TENM1: variants seen among roughly 807,000 people sequenced by gnomAD.
TENM1 encodes the protein teneurin transmembrane protein 1.
Under a neutral mutation model 174.8 loss-of-function variants are expected in TENM1, and 35 were observed. The ratio of observed to expected loss-of-function variants is 0.20; its 90% CI spans 0.15 to 0.27. The LOEUF (loss-of-function observed/expected upper bound fraction) is 0.27. Ranked by LOEUF, TENM1 falls within the 10% of genes least tolerant of loss-of-function variation. TENM1 has a pLI of 1.00. For missense variants in TENM1, 1,633 were observed against 2,130.1 expected, an observed-to-expected ratio of 0.77 and a Z score of 4.59; for synonymous variants, 781 against 798.7, an observed-to-expected ratio of 0.98 and a Z score of 0.37.
At chrX:124,999,855 G>C in the TENM1 span, among the ~76,000 whole-genome samples, 1 of 111,611 alleles carries the variant, frequency 9.0e-6, no homozygotes, top group Non-Finnish European at 1.9e-5. Flanking sequence ...TTTAAAGACA[G>C]GAATTGCTGG....
At chrX:124,536,287 A>T (rs1042003432) in intron 15 of TENM1, among the ~76,000 whole-genome samples, 1 of 111,128 alleles carries the variant, frequency 9.0e-6, no homozygotes, top group Non-Finnish European at 1.9e-5. Context: ...GCTCATATGC[A>T]AACCCAATAC....
At chrX:124,600,174 G>A (rs889288885) in intron 11 of TENM1, among the ~76,000 whole-genome samples, 2 of 110,422 alleles carry the variant, frequency 1.8e-5, no homozygotes, top group African/African-American at 3.3e-5. Context: ...ACCACGCCGA[G>A]AAAAGAAATT....
At chrX:125,052,409 C>G in the TENM1 span, among the ~76,000 whole-genome samples, 22 of 111,737 alleles carry the variant, frequency 2.0e-4, no homozygotes, top group African/African-American at 7.1e-4. Context: ...CTGTCCTTTT[C>G]AATTAACAAA....
intron 22 of TENM1, among the ~76,000 whole-genome samples, chrX:124,459,304 C>T (rs751013868): frequency 7.2e-5 from 8 of 111,460 alleles, no homozygotes; most frequent in East Asian, 2.8e-4. Context: ...TTCCATTTGC[C>T]GAGAACACTA....
the TENM1 span, among the ~76,000 whole-genome samples, chrX:125,001,906 G>C: frequency 1.5e-5 from 1 of 68,405 alleles, no homozygotes; most frequent in African/African-American, 5.7e-5. Flanking sequence ...TCTACCTCCA[G>C]TCCATCTGTC....
intron 18 of TENM1, among the ~76,000 whole-genome samples, chrX:124,509,926 G>T (rs186501356): frequency 0.019 from 2,142 of 109,915 alleles, 45 homozygotes; most frequent in African/African-American, 0.059. Context: ...GTTTCACTAT[G>T]TTGGCAAGGC....
At chrX:124,520,568 T>C (rs781744001) in exon 18 of TENM1, 8 of 1,209,448 alleles carry the variant, frequency 6.6e-6, no homozygotes, top group Non-Finnish European at 1.1e-6. Flanking sequence ...TCGGTCTTGT[T>C]CCAAGCAAAT....
At position 124,471,799 on chromosome X, in the gene TENM1, A is replaced by G. The variant is rs775247162; in HGVS notation, c.3949+9933T>C. Among the ~76,000 whole-genome samples the G allele has an allele frequency of 5.1e-5, 5 of 98,076 alleles. No homozygotes were observed. In the South Asian group the frequency reaches 2.1e-3, roughly 42 times the overall value. The allele number at this position is 98,076 out of a possible 115,157, so 85.2% of individuals were successfully genotyped here. Reference sequence around the variant, plus strand: ...AATATAGAGTAATATATAATATATAATATATATATTACCCTTACACCCTTA... The same window carrying G: ...AATATAGAGTAATATATAATATATAGTATATATATTACCCTTACACCCTTA... On this transcript the variant is annotated intron_variant, in intron 22 of 31. Coordinates refer to ENST00000422452, the Ensembl canonical transcript of TENM1.
the TENM1 span, among the ~76,000 whole-genome samples, chrX:125,129,116 T>C: frequency 8.9e-6 from 1 of 111,752 alleles, no homozygotes; most frequent in Non-Finnish European, 1.9e-5. Context: ...GAGAAGGCAG[T>C]TGTCTACGAG....
At chrX:125,063,671 A>G in the TENM1 span, among the ~76,000 whole-genome samples, 1 of 111,860 alleles carries the variant, frequency 8.9e-6, no homozygotes, top group Non-Finnish European at 1.9e-5. Flanking sequence ...AACAGGTGCT[A>G]GAGAGGATGT....
chrX:124,886,546 TATAGAGAGAG>T (rs1389870718), intron 3 of TENM1, among the ~76,000 whole-genome samples: 3 of 76,070 alleles, frequency 3.9e-5, no homozygotes, highest in African/African-American at 1.1e-4. Flanking sequence ...TATATATATA[TATAGAGAGAG>T]AGAGAGAGAG....
chrX:124,806,410 C>G (rs2055598206), intron 3 of TENM1, among the ~76,000 whole-genome samples: 2 of 111,723 alleles, frequency 1.8e-5, no homozygotes, highest in African/African-American at 6.5e-5. Flanking sequence ...GAAATGATAG[C>G]AGAAAAACGT....
intron 23 of TENM1, among the ~76,000 whole-genome samples, chrX:124,440,741 T>A (rs1398911470): frequency 8.9e-6 from 1 of 111,749 alleles, no homozygotes; most frequent in Admixed American, 9.5e-5. Flanking sequence ...GATCTCTCAT[T>A]TACAGGTGAG....
intron 5 of TENM1, among the ~76,000 whole-genome samples, chrX:124,685,561 G>GTTTTTTT (rs201481902): frequency 1.1e-5 from 1 of 94,496 alleles, no homozygotes; most frequent in African/African-American, 4.0e-5. Context: ...AAGCAAATCT[G>GTTTTTTT]TTTTTTTTTT....
At chrX:124,570,233 C>T (rs1960106857) in intron 11 of TENM1, among the ~76,000 whole-genome samples, 1 of 110,828 alleles carries the variant, frequency 9.0e-6, no homozygotes, top group Non-Finnish European at 1.9e-5. Flanking sequence ...AAAGAAAATT[C>T]CAGTCTCAGA....
At chrX:125,064,215 C>T in the TENM1 span, among the ~76,000 whole-genome samples, 7 of 109,657 alleles carry the variant, frequency 6.4e-5, no homozygotes, top group East Asian at 8.7e-4. Context: ...TGTTAAATGA[C>T]GAGTTAATGG....
At chrX:124,465,829 C>T (rs1470533019) in intron 22 of TENM1, among the ~76,000 whole-genome samples, 2 of 111,069 alleles carry the variant, frequency 1.8e-5, no homozygotes, top group Admixed American at 9.7e-5. Context: ...TGAGTCCTCC[C>T]GTGTCTCCCC....
chrX:124,396,139 C>T (rs770733954), intron 27 of TENM1, among the ~76,000 whole-genome samples: 1 of 110,924 alleles, frequency 9.0e-6, no homozygotes, highest in South Asian at 3.8e-4. Flanking sequence ...GCTGCTGAAA[C>T]ACTAGTTTCA....
At chrX:125,163,934 G>A in the TENM1 span, among the ~76,000 whole-genome samples, 111 of 111,584 alleles carry the variant, frequency 9.9e-4, no homozygotes, top group Middle Eastern at 4.6e-3. Flanking sequence ...AGGCTGTATC[G>A]ACACAACACT....
Sources: gnomAD v4.1 joint callset for allele counts (sites outside exome capture counted in the v4.1 genomes callset) on GRCh38, gnomAD v4.1.1 for gene constraint, MANE v1.5 for transcripts, NCBI Gene and HGNC (gene_info 2026-07-23, HGNC 2026-07-21) for gene names.